Variants in RBFOX1 observed in about 807,000 individuals in gnomAD.
RBFOX1 encodes the protein RNA binding fox-1 homolog 1.
RBFOX1 carries 8 observed loss-of-function variants against 57.7 expected under a neutral mutation model. That is an observed-to-expected ratio of 0.14 (90% CI 0.08 to 0.25). The LOEUF is 0.25. Ranked by LOEUF, RBFOX1 falls within the 10% of genes least tolerant of loss-of-function variation. RBFOX1 has a pLI of 1.00. For synonymous variants in RBFOX1, 326 were observed against 222.4 expected, an observed-to-expected ratio of 1.47 and a Z score of -4.15; for missense variants, 611 against 548.5, an observed-to-expected ratio of 1.11 and a Z score of -1.14.
In RBFOX1 at chr16:7,248,882, C is replaced by T. The variant is rs1360952407; in HGVS notation, c.27+196784C>T. On this transcript the variant is annotated intron_variant, in intron 4 of 15. Transcript: ENST00000550418. ...ATGTATATCCTACCTATATACATAA[C>T]AAGGCAAATGTTGCTATGTATAGCC... 2.6e-5 allele frequency among the ~76,000 whole-genome samples: 4 copies of T among 152,304 alleles called. No homozygotes were observed. In the East Asian group the frequency reaches 7.7e-4, roughly 29 times the overall value.
intron 1 of RBFOX1, among the ~76,000 whole-genome samples, chr16:6,173,878 G>A (rs1344284680): frequency 6.6e-6 from 1 of 151,336 alleles, no homozygotes; most frequent in Non-Finnish European, 1.5e-5. Flanking sequence ...CCAAAGTGCT[G>A]TTTTGTTTGT....
At chr16:7,206,909 G>T (rs1025098532) in intron 4 of RBFOX1, among the ~76,000 whole-genome samples, 2 of 152,090 alleles carry the variant, frequency 1.3e-5, no homozygotes, top group Non-Finnish European at 2.9e-5. Flanking sequence ...GTAGTTTATT[G>T]CTTCTTACAG....
intron 2 of RBFOX1, among the ~76,000 whole-genome samples, chr16:5,512,147 A>G (rs2043617114): frequency 6.6e-6 from 1 of 152,218 alleles, no homozygotes; most frequent in Non-Finnish European, 1.5e-5. Flanking sequence ...TGGTGGAGAT[A>G]AAATGATGGA....
chr16:7,259,852 T>C (rs1240076793), intron 4 of RBFOX1, among the ~76,000 whole-genome samples: 3 of 152,186 alleles, frequency 2.0e-5, no homozygotes, highest in African/African-American at 4.8e-5. Context: ...AAGAATCTAG[T>C]ATACCTGGTG....
chr16:7,063,009 G>T (rs1218244514), intron 4 of RBFOX1, among the ~76,000 whole-genome samples: 6 of 141,802 alleles, frequency 4.2e-5, no homozygotes, highest in African/African-American at 1.3e-4. Flanking sequence ...GCTAAACTTG[G>T]AGAACTGCAG....
chr16:5,545,945 T>C (rs2045181487), intron 2 of RBFOX1, among the ~76,000 whole-genome samples: 1 of 152,142 alleles, frequency 6.6e-6, no homozygotes, highest in African/African-American at 2.4e-5. Context: ...AAAAACTTTT[T>C]TTTTGCTGAA....
intron 1 of RBFOX1, among the ~76,000 whole-genome samples, chr16:6,303,869 T>C (rs1205813293): frequency 7.8e-6 from 1 of 128,974 alleles, no homozygotes; most frequent in African/African-American, 2.8e-5. Flanking sequence ...TGGAGTGCAA[T>C]GGCGCTATCT....
intron 2 of RBFOX1, among the ~76,000 whole-genome samples, chr16:6,547,188 A>G (rs1026735186): frequency 6.6e-6 from 1 of 152,160 alleles, no homozygotes; most frequent in African/African-American, 2.4e-5. Context: ...TTTATTATAA[A>G]ATGCTCTTCC....
At chr16:6,928,826 C>G (rs548725262) in intron 3 of RBFOX1, among the ~76,000 whole-genome samples, 2 of 152,100 alleles carry the variant, frequency 1.3e-5, no homozygotes, top group South Asian at 2.1e-4. Flanking sequence ...AACAGTAACA[C>G]ACACAAAAAA....
intron 3 of RBFOX1, among the ~76,000 whole-genome samples, chr16:6,948,157 C>T (rs191190794): frequency 9.3e-4 from 142 of 152,092 alleles, no homozygotes; most frequent in African/African-American, 3.1e-3. Context: ...TTCAGCCAGG[C>T]ATGGTGGCTC....
Position 5,887,705 on chromosome 16 carries a change from C to A in RBFOX1, c.351+20370C>A, listed in dbSNP as rs139395922. Among the ~76,000 whole-genome samples, 20 of 152,208 alleles carry A rather than the reference C, an allele frequency of 1.3e-4. No homozygotes were observed. In the East Asian group the frequency reaches 3.9e-3, roughly 29 times the overall value. ...AGATGTGAGCCACCATACCTGGCCT[C>A]CTTTCTCCTGTTTTTTACAGAAGTG... On this transcript the variant is annotated intron_variant, in intron 4 of 19. Coordinates refer to the RBFOX1 transcript ENST00000641259.
chr16:6,798,914 T>A (rs1432991445), intron 3 of RBFOX1, among the ~76,000 whole-genome samples: 1 of 152,164 alleles, frequency 6.6e-6, no homozygotes. Context: ...AAAAAATGAA[T>A]TCTTGTTTTT....
At chr16:5,907,684 G>C (rs539636156) in intron 4 of RBFOX1, among the ~76,000 whole-genome samples, 18 of 152,076 alleles carry the variant, frequency 1.2e-4, no homozygotes, top group Admixed American at 6.5e-5. Flanking sequence ...ATGCCTACTT[G>C]CTGGTATAAT....
At position 5,657,267 on chromosome 16, in the gene RBFOX1, A is replaced by G. The variant is rs114636626; in HGVS notation, c.318+58306A>G. Among the ~76,000 whole-genome samples the G allele has an allele frequency of 6.7e-3, 1,027 of 152,308 alleles. 11 individuals are homozygous for G. Among genetic ancestry groups the G allele is most frequent in the African/African-American group, 0.023 (965 of 41,562 alleles). Reference sequence around the variant, plus strand: ...GTCTTAGAACCATGATTTCCTGACAAATTCACATTAACAGCCCTAATAATA... The same window carrying G: ...GTCTTAGAACCATGATTTCCTGACAGATTCACATTAACAGCCCTAATAATA... On this transcript the variant is annotated intron_variant, in intron 3 of 19. Transcript: ENST00000641259.
intron 4 of RBFOX1, among the ~76,000 whole-genome samples, chr16:7,429,009 C>T (rs1288816433): frequency 6.6e-6 from 1 of 152,196 alleles, no homozygotes; most frequent in South Asian, 2.1e-4. Context: ...CTATTGTTGT[C>T]CTTGATTCTA....
chr16:6,992,699 CA>C (rs1450721036), intron 3 of RBFOX1, among the ~76,000 whole-genome samples: 1 of 152,014 alleles, frequency 6.6e-6, no homozygotes, highest in Non-Finnish European at 1.5e-5. Context: ...CTTCAGAAAC[CA>C]GCTAATGATT....
intron 3 of RBFOX1, among the ~76,000 whole-genome samples, chr16:6,935,039 C>G (rs1222972764): frequency 6.6e-6 from 1 of 151,752 alleles, no homozygotes; most frequent in Non-Finnish European, 1.5e-5. Context: ...TGCAGTGAGA[C>G]AAGATCGTTC....
At chr16:6,148,466 C>T (rs1162637835) in intron 1 of RBFOX1, among the ~76,000 whole-genome samples, 3 of 152,192 alleles carry the variant, frequency 2.0e-5, no homozygotes, top group Non-Finnish European at 1.5e-5. Context: ...GAACACTCAT[C>T]CCCCAGCTAC....
At position 6,510,306 on chromosome 16, in the gene RBFOX1, G is replaced by A. The variant is rs151118006; in HGVS notation, c.-63-144297G>A. On this transcript the variant is annotated intron_variant, in intron 2 of 15. Coordinates refer to ENST00000550418, the MANE Select transcript of RBFOX1 (RefSeq NM_018723.4). The stretch of plus-strand genomic sequence containing the variant: ...GCCGGCTTTTCAGTCACCTCAAGTT[G>A]AAGTGTTTTTGAGATTTGAACTGCT... Among the ~76,000 whole-genome samples the A allele has an allele frequency of 4.8e-3, 730 of 152,206 alleles. 21 individuals carry two copies. In the East Asian group the frequency reaches 0.093, roughly 19 times the overall value.
Sources: allele counts gnomAD v4.1 joint callset (sites outside exome capture counted in the v4.1 genomes callset), GRCh38; gene constraint gnomAD v4.1.1; transcripts MANE v1.5; gene names NCBI Gene and HGNC (gene_info 2026-07-23, HGNC 2026-07-21).